STK25: variants seen among roughly 807,000 people sequenced by gnomAD.
The protein encoded by STK25 is serine/threonine kinase 25.
A neutral mutation model predicts 53.8 loss-of-function variants in STK25; 29 were observed. That is an observed-to-expected ratio of 0.54 (90% CI 0.40 to 0.74). The LOEUF (loss-of-function observed/expected upper bound fraction) is 0.74. Ranked by LOEUF, STK25 falls within the 30% of genes least tolerant of loss-of-function variation. The pLI is 0.00. For missense variants in STK25, 420 were observed against 568.0 expected, an observed-to-expected ratio of 0.74 and a Z score of 2.65; for synonymous variants, 247 against 238.3, an observed-to-expected ratio of 1.04 and a Z score of -0.33.
chr2:241,507,829 G>A (rs1266887854), intron 2 of STK25, among the ~76,000 whole-genome samples, 177 bp downstream of exon 2: 1 of 152,232 alleles, frequency 6.6e-6, no homozygotes, highest in African/African-American at 2.4e-5. Flanking sequence ...CAGGCACACG[G>A]CAGAGCCCCG....
rs2065195556 is a variant in STK25 at position 241,496,800 on chromosome 2, G to C, written c.1105-266C>G. Among the ~76,000 whole-genome samples the C allele has an allele frequency of 6.6e-6, 1 of 152,142 alleles. No homozygotes were observed. Among genetic ancestry groups the C allele is most frequent in the Non-Finnish European group, 1.5e-5 (1 of 68,020 alleles). On this transcript the variant is annotated intron_variant, in intron 10 of 11. Transcript: ENST00000316586. The surrounding 1 kb of genome is among the most constrained non-coding windows in gnomAD (Gnocchi z 5.8). ...ATCTCGGACCTCGGTTCTCAGGAGG[G>C]GACCAGATGGCTTCCTCCCAGCCGA...
At chr2:241,506,401 C>A (rs558726694) in intron 2 of STK25, among the ~76,000 whole-genome samples, 1 of 152,368 alleles carries the variant, frequency 6.6e-6, no homozygotes, top group Admixed American at 6.5e-5. Context: ...ACCAATAGCA[C>A]ACAGTTACAG....
In STK25 at chr2:241,498,757, G is replaced by A; in HGVS notation, c.799C>T (p.His267Tyr). 1 of 1,614,106 alleles carries A rather than the reference G, an allele frequency of 6.2e-7. No individual in the cohort carries two copies. The highest frequency in any genetic ancestry group is 1.3e-5 in the African/African-American group (1 of 75,074). ...TTGGTGTAGCGTGTGATGAACTTGT[G>A]CTTCAGGAGCTCCTTGGCCGTGGGC... ...FRPTAKELLK[H>Y]KFITRYTKKT... is the part of the protein sequence containing the mutation. The change falls in exon 8 of 12, where the codon CAC (histidine) becomes TAC (tyrosine). Residue 267 changes from histidine (H) to tyrosine (Y), a missense_variant. His to Tyr is a moderately conservative substitution (Grantham distance 83, BLOSUM62 2). Transcript: ENST00000316586.
intron 2 of STK25, among the ~76,000 whole-genome samples, chr2:241,506,435 C>T (rs138603018): frequency 1.2e-3 from 177 of 152,346 alleles, no homozygotes; most frequent in Non-Finnish European, 2.2e-3. Context: ...TCCAATTTCT[C>T]ATCCTGTGAC....
At position 241,492,997 on chromosome 2, in the gene STK25, C is replaced by G. The variant is rs1302587352; in HGVS notation, c.*2665G>C. 6.2e-7 allele frequency: 1 copy of G among 1,611,080 alleles called. No homozygotes were observed. The highest frequency in any genetic ancestry group is 1.1e-5 in the South Asian group (1 of 91,024). The stretch of plus-strand genomic sequence containing the variant: ...ATGGCTGGCAGAAGCTCTGGGTCGT[C>G]TTTACCAACTTCTGTTTGTTCTTCT... On this transcript the variant is annotated 3_prime_UTR_variant, in exon 12 of 12. Transcript: ENST00000316586.
chr2:241,498,164 TG>T, intron 9 of STK25, 70 bp downstream of exon 9: 1 of 1,418,066 alleles, frequency 7.1e-7, no homozygotes, highest in Non-Finnish European at 1.0e-6. Context: ...TGGACAAAGC[TG>T]GGTCCCGCAT....
At chr2:241,500,557 G>A (rs774582502) in intron 4 of STK25, among the ~76,000 whole-genome samples, 183 bp downstream of exon 4, 1 of 152,166 alleles carries the variant, frequency 6.6e-6, no homozygotes, top group Non-Finnish European at 1.5e-5. Context: ...CACAGGCCAG[G>A]ACCCCTTTCA....
At chr2:241,507,266 T>C (rs1232401085) in intron 2 of STK25, among the ~76,000 whole-genome samples, 1 of 152,070 alleles carries the variant, frequency 6.6e-6, no homozygotes, top group African/African-American at 2.4e-5. Context: ...CCACCCTCCT[T>C]CCCCGGCAAG....
At position 241,496,709 on chromosome 2, in the gene STK25, G is replaced by A. The variant is rs1213289658; in HGVS notation, c.1105-175C>T. On this transcript the variant is annotated intron_variant, in intron 10 of 11. Transcript: ENST00000316586. The surrounding 1 kb of genome is among the most constrained non-coding windows in gnomAD (Gnocchi z 5.8). ...GTGGCCCAAGGAAGCCTCTGCCCCT[G>A]CCCTGCCAACGGGGACCCTAGTGGT... Among the ~76,000 whole-genome samples, 1 of 151,982 alleles carries A rather than the reference G, an allele frequency of 6.6e-6. No individual in the cohort carries two copies. The highest frequency in any genetic ancestry group is 1.5e-5 in the Non-Finnish European group (1 of 67,986).
rs2065996061 is a variant in STK25 at position 241,508,492 on chromosome 2, C to A, written c.-150G>T. On this transcript the variant is annotated 5_prime_UTR_variant, in exon 1 of 12. Transcript: ENST00000316586. ...CCCCCGGCCCGCTCTGCAGCGCCCG[C>A]GAAGGCTCCCACCCGCAGCCTCTGT... 1 of 1,031,090 alleles carries A rather than the reference C, an allele frequency of 9.7e-7. No homozygotes were observed. The highest frequency in any genetic ancestry group is 1.2e-6 in the Non-Finnish European group (1 of 857,430). 63.9% of individuals were successfully genotyped at this position (1,031,090 alleles called of 1,614,324 possible).
In STK25 at chr2:241,495,666, C is replaced by T. The variant is rs200781797; in HGVS notation, c.1277G>A (p.Arg426His). 375 of 1,614,210 alleles carry T rather than the reference C, an allele frequency of 2.3e-4. No individual in the cohort carries two copies. The highest frequency in any genetic ancestry group is 3.1e-4 in the Non-Finnish European group (362 of 1,180,014). ...SHNRNHLTSTR is the reference protein window; with the variant it reads ...SHNRNHLTSTH ...CTATCTGAACAGCAGTGCGCTTCAG[C>T]GGGTGGATGTCAGGTGGTTTCTGTT... The change falls in exon 12 of 12, where the codon CGC becomes CAC. Residue 426 changes from arginine (R) to histidine (H), a missense_variant. By Grantham distance (29) the Arg-to-His change is conservative. Coordinates refer to ENST00000316586, the MANE Select transcript of STK25 (RefSeq NM_001271977.2).
chr2:241,498,590 C>A, intron 8 of STK25, 49 bp downstream of exon 8: 1 of 1,575,940 alleles, frequency 6.3e-7, no homozygotes, highest in Non-Finnish European at 8.6e-7. Flanking sequence ...GTGGGGACCA[C>A]CCACGTCACA....
Position 241,498,720 on chromosome 2 carries a change from A to G in STK25, c.836T>C (p.Phe279Ser). The G allele has an allele frequency of 6.2e-7, 1 of 1,614,104 alleles. No individual in the cohort carries two copies. Among genetic ancestry groups the G allele is most frequent in the Non-Finnish European group, 8.5e-7 (1 of 1,180,022 alleles). ...FITRYTKKTS[F>S]LTELIDRYKR... ...ATAGCGGTCGATGAGCTCCGTGAGG[A>G]AGGAGGTCTTCTTGGTGTAGCGTGT... Residue 279 changes from phenylalanine to serine, a missense_variant, in exon 8 of 12, where the codon TTC (phenylalanine) becomes TCC (serine). Coordinates refer to ENST00000316586, the MANE Select transcript of STK25 (RefSeq NM_001271977.2).
Position 241,495,387 on chromosome 2 carries a change from C to G in STK25, c.*275G>C, listed in dbSNP as rs34902004. ...ACCCAGGCGTAGCTCATGAGGGCCA[C>G]GCCGGCGGCTGGAGCCCCCGTGAGC... On this transcript the variant is annotated 3_prime_UTR_variant, in exon 12 of 12. Transcript: ENST00000316586. 5,527 of 470,242 alleles carry G rather than the reference C, an allele frequency of 0.012. 184 individuals carry two copies. Among genetic ancestry groups the G allele is most frequent in the South Asian group, 0.068 (2,506 of 36,742 alleles). The allele number at this position is 470,242 out of a possible 1,614,324, so 29.1% of individuals were successfully genotyped here.
Position 241,501,364 on chromosome 2 carries a change from T to C in STK25, c.261+114A>G, listed in dbSNP as rs536554662. ...GCCCAGGGCAGTTTCCCGGAGGGCA[T>C]GCACTGAACCGTCAAGACCGCCTTG... On this transcript the variant is annotated intron_variant, in intron 3 of 11. Transcript: ENST00000316586. The surrounding 1 kb of genome is among the most constrained non-coding windows in gnomAD (Gnocchi z 5.3). 5.6e-6 allele frequency: 6 copies of C among 1,074,396 alleles called. No individual in the cohort carries two copies. The highest frequency in any genetic ancestry group is 7.0e-6 in the Non-Finnish European group (5 of 716,722). 66.6% of individuals were successfully genotyped at this position (1,074,396 alleles called of 1,614,324 possible).
chr2:241,508,730 C>T (rs1574975331), upstream of STK25: 12 of 985,344 alleles, frequency 1.2e-5, no homozygotes, highest in East Asian at 1.1e-4. Context: ...GGGGCCGGGG[C>T]TCGCATGCGC....
At chr2:241,508,686 G>A, upstream of STK25, 2 of 985,782 alleles carry the variant, frequency 2.0e-6, no homozygotes, top group Non-Finnish European at 1.2e-6. Context: ...GCCTGCTGGC[G>A]TTGGACTACA....
chr2:241,499,734 G>A (rs994235047), intron 5 of STK25: 20 of 489,172 alleles, frequency 4.1e-5, no homozygotes, highest in East Asian at 3.8e-4. Flanking sequence ...TAGCCAACAC[G>A]GGCCTGCCAG....
At chr2:241,497,713 G>A (rs771215820) in intron 9 of STK25, 26 bp from the exon 10 acceptor site, 5 of 1,610,486 alleles carry the variant, frequency 3.1e-6, no homozygotes, top group Non-Finnish European at 4.2e-6. Flanking sequence ...GGCCCAGGGT[G>A]AGCAGGGCAG....
Sources: allele counts gnomAD v4.1 joint callset (sites outside exome capture counted in the v4.1 genomes callset), GRCh38; gene constraint gnomAD v4.1.1; non-coding constraint Gnocchi (gnomAD v3.1); transcripts MANE v1.5; gene names NCBI Gene and HGNC (gene_info 2026-07-23, HGNC 2026-07-21).